SERPINB8: variants seen among roughly 807,000 people sequenced by gnomAD.
The protein encoded by SERPINB8 is serpin family B member 8, also known as serpin B8.
In SERPINB8, 25 loss-of-function variants were observed where a neutral mutation model predicts 35.3. The ratio of observed to expected loss-of-function variants is 0.71; its 90% CI spans 0.52 to 0.99. The LOEUF (loss-of-function observed/expected upper bound fraction) is 0.99, where lower values mean the gene tolerates loss of function less well. Ranked by LOEUF, SERPINB8 falls within the 50% of genes least tolerant of loss-of-function variation. The pLI is 0.00. For missense variants in SERPINB8, 484 were observed against 446.5 expected (o/e 1.08, Z -0.76); for synonymous variants, 186 against 160.8 (o/e 1.16, Z -1.19).
intron 7 of SERPINB8, among the ~76,000 whole-genome samples, chr18:64,015,046 G>A (rs182205589): frequency 9.9e-5 from 15 of 152,060 alleles, no homozygotes; most frequent in Non-Finnish European, 2.2e-4. Flanking sequence ...CCATGCCTTC[G>A]CCAGCCCTCC....
chr18:63,994,549 A>T (rs564535952), intron 1 of SERPINB8, among the ~76,000 whole-genome samples: 48 of 152,218 alleles, frequency 3.2e-4, no homozygotes, highest in East Asian at 3.9e-4. Context: ...GGGCACCCTT[A>T]GAGTGTGCTA....
At position 63,987,100 on chromosome 18, in the gene SERPINB8, A is replaced by G. The variant is rs1008577106; in HGVS notation, c.947A>G (p.Lys316Arg). 1 of 1,614,080 alleles carries G rather than the reference A, an allele frequency of 6.2e-7. No homozygotes were observed. The highest frequency in any genetic ancestry group is 2.2e-5 in the East Asian group (1 of 44,878). Reference protein sequence around the residue: ...KNVPLSKVAHKCFVEVNEEGT... With the variant: ...KNVPLSKVAHRCFVEVNEEGT... ...GTGCCTCTGTCCAAGGTTGCCCACAAGTGCTTCGTGGAGGTCAATGAGGAA... is the reference window on the plus strand; with the variant it reads ...GTGCCTCTGTCCAAGGTTGCCCACAGGTGCTTCGTGGAGGTCAATGAGGAA... Residue 316 changes from lysine to arginine, a missense_variant, in exon 7 of 7, where the codon AAG (lysine) becomes AGG (arginine). Coordinates refer to ENST00000397985, the MANE Select transcript of SERPINB8 (RefSeq NM_002640.4).
rs1446564059 is a variant in SERPINB8, at chr18:63,987,789, T to A, written c.*511T>A. ...TAGACAGCCCTGCATGCCCCCTGTC[T>A]CACACAGTTTGTAATGAAGACAGCT... On this transcript the variant is annotated 3_prime_UTR_variant, in exon 7 of 7. Transcript: ENST00000397985. The A allele has an allele frequency of 6.5e-6, 1 of 153,654 alleles. No homozygotes were observed. The highest frequency in any genetic ancestry group is 1.4e-5 in the Non-Finnish European group (1 of 69,098). 9.5% of individuals were successfully genotyped at this position (153,654 alleles called of 1,614,324 possible).
intron 1 of SERPINB8, among the ~76,000 whole-genome samples, chr18:63,999,675 C>T (rs2050865599): frequency 6.6e-6 from 1 of 152,174 alleles, no homozygotes; most frequent in South Asian, 2.1e-4. Flanking sequence ...TCTTTCTTTT[C>T]TAAACACCAG....
downstream of SERPINB8, among the ~76,000 whole-genome samples, chr18:63,989,944 A>C (rs1481208948): frequency 2.1e-5 from 2 of 96,076 alleles, no homozygotes; most frequent in African/African-American, 1.1e-4. Context: ...CTCTGTCTCA[A>C]AAAAAAAAAA....
At chr18:63,989,929 C>T (rs2050813714), downstream of SERPINB8, among the ~76,000 whole-genome samples, 1 of 94,288 alleles carries the variant, frequency 1.1e-5, no homozygotes, top group Non-Finnish European at 1.8e-5. Flanking sequence ...GGCGACAGAG[C>T]GAGACTCTGT....
In SERPINB8 at chr18:63,970,147, C is replaced by T; in HGVS notation, c.-34C>T. On this transcript the variant is annotated 5_prime_UTR_variant, in exon 1 of 7. Coordinates refer to ENST00000397985, the MANE Select transcript of SERPINB8 (RefSeq NM_002640.4). ...AAAGCAGCAGCGGCGGCGGCGGCGG[C>T]GGCAGCAGCAGCAGCAGCAGGAGGT... 8.2e-6 allele frequency: 3 copies of T among 367,886 alleles called. No individual in the cohort carries two copies. Among genetic ancestry groups the T allele is most frequent in the Non-Finnish European group, 1.1e-5 (2 of 186,538 alleles). The allele number at this position is 367,886 out of a possible 1,614,324, so 22.8% of individuals were successfully genotyped here.
At chr18:63,990,663 T>TGGCCCCCCC (rs2050820503), downstream of SERPINB8, among the ~76,000 whole-genome samples, 1 of 144,248 alleles carries the variant, frequency 6.9e-6, no homozygotes. Flanking sequence ...CTATCCCTCA[T>TGGCCCCCCC]CCCTCCCCCC....
intron 1 of SERPINB8, among the ~76,000 whole-genome samples, chr18:63,972,787 G>A (rs1017252603): frequency 6.6e-6 from 1 of 152,092 alleles, no homozygotes; most frequent in Non-Finnish European, 1.5e-5. Flanking sequence ...ATGGTTTCCA[G>A]CTTCATCCAT....
rs759604786 is a variant in SERPINB8, at chr18:63,986,971, T to G, written c.818T>G (p.Leu273Arg). 67 of 1,614,110 alleles carry G rather than the reference T, an allele frequency of 4.2e-5. No individual in the cohort carries two copies. Among genetic ancestry groups the G allele is most frequent in the Non-Finnish European group, 5.7e-5 (67 of 1,180,040 alleles). Reference protein sequence around the residue: ...KVQVFLPRLKLEESYDLEPFL... With the variant: ...KVQVFLPRLKREESYDLEPFL... ...CAAGTTTTCCTTCCCAGATTAAAGCTGGAGGAGAGTTATGACTTGGAGCCT... is the reference window on the plus strand; with the variant it reads ...CAAGTTTTCCTTCCCAGATTAAAGCGGGAGGAGAGTTATGACTTGGAGCCT... Residue 273 changes from leucine (L) to arginine (R), a missense_variant, in exon 7 of 7, where the codon CTG (leucine) becomes CGG (arginine). Coordinates refer to ENST00000397985, the MANE Select transcript of SERPINB8 (RefSeq NM_002640.4).
At chr18:64,012,089 A>T (rs896153887) in intron 7 of SERPINB8, among the ~76,000 whole-genome samples, 3 of 152,116 alleles carry the variant, frequency 2.0e-5, no homozygotes, top group African/African-American at 7.2e-5. Context: ...AAAGAGTCAG[A>T]CTGAATATGT....
chr18:63,996,475 GATCA>G (rs1176163085), intron 1 of SERPINB8, among the ~76,000 whole-genome samples: 39 of 152,156 alleles, frequency 2.6e-4, no homozygotes, highest in Non-Finnish European at 5.4e-4. Flanking sequence ...AGAAGTCCAG[GATCA>G]ACTTGCCTTT....
chr18:63,974,592 A>G (rs1475107162), intron 1 of SERPINB8, among the ~76,000 whole-genome samples: 2 of 152,226 alleles, frequency 1.3e-5, no homozygotes, highest in Admixed American at 6.5e-5. Flanking sequence ...GCTGGAAATA[A>G]AAACTTCTGA....
intron 4 of SERPINB8, among the ~76,000 whole-genome samples, chr18:63,983,093 T>A (rs770121406): frequency 6.6e-6 from 1 of 152,114 alleles, no homozygotes; most frequent in African/African-American, 2.4e-5. Context: ...CTGAAGACAA[T>A]CTTGGTTGTC....
chr18:63,975,248 C>A (rs570273212), intron 1 of SERPINB8, among the ~76,000 whole-genome samples: 1 of 152,138 alleles, frequency 6.6e-6, no homozygotes, highest in Non-Finnish European at 1.5e-5. Context: ...TTACCCAATT[C>A]TCTCCATCTT....
At chr18:63,998,144 G>T (rs1187879328) in intron 1 of SERPINB8, among the ~76,000 whole-genome samples, 1 of 152,148 alleles carries the variant, frequency 6.6e-6, no homozygotes, top group Non-Finnish European at 1.5e-5. Context: ...GGTCAAAAAG[G>T]CCAGGATGTT....
At chr18:63,981,028 A>T (rs890623391) in intron 3 of SERPINB8, among the ~76,000 whole-genome samples, 1 of 152,176 alleles carries the variant, frequency 6.6e-6, no homozygotes, top group Non-Finnish European at 1.5e-5. Flanking sequence ...ACACATACAC[A>T]TGTACACACA....
chr18:64,000,525 CT>C (rs2050869269), intron 1 of SERPINB8, among the ~76,000 whole-genome samples: 1 of 152,162 alleles, frequency 6.6e-6, no homozygotes, highest in African/African-American at 2.4e-5. Flanking sequence ...ATAGCTAGTG[CT>C]TTGTGATCTC....
intron 1 of SERPINB8, among the ~76,000 whole-genome samples, chr18:64,004,316 G>C (rs1463547747): frequency 1.3e-5 from 2 of 151,760 alleles, no homozygotes; most frequent in Non-Finnish European, 2.9e-5. Context: ...CAGGCTTGCT[G>C]AAAAGAAAAA....
Sources: allele counts gnomAD v4.1 joint callset (sites outside exome capture counted in the v4.1 genomes callset), GRCh38; gene constraint gnomAD v4.1.1; transcripts MANE v1.5; gene names NCBI Gene and HGNC (gene_info 2026-07-23, HGNC 2026-07-21).